NCK2: variants seen among roughly 807,000 people sequenced by gnomAD.
NCK2 encodes the protein NCK adaptor protein 2, also known as cytoplasmic protein NCK2.
Under a neutral mutation model 33.9 loss-of-function variants are expected in NCK2, and 16 were observed. The observed-to-expected ratio is 0.47, with a 90% CI of 0.32 to 0.72. The LOEUF is 0.72. Among genes scored for constraint, NCK2 ranks in the 30% least tolerant of loss-of-function variants. The probability of loss-of-function intolerance (pLI) is 0.03; values close to 1 mark genes in which losing one functional copy is unlikely to be tolerated. For synonymous variants in NCK2, 273 were observed against 239.9 expected, an observed-to-expected ratio of 1.14 and a Z score of -1.27; for missense variants, 418 against 537.3, an observed-to-expected ratio of 0.78 and a Z score of 2.19.
chr2:105,773,138 A>G (rs1476340924), intron 1 of NCK2, among the ~76,000 whole-genome samples: 1 of 151,416 alleles, frequency 6.6e-6, no homozygotes, highest in Non-Finnish European at 1.5e-5. Flanking sequence ...GCCTCAATCC[A>G]TCCACCTGCC....
intron 2 of NCK2, among the ~76,000 whole-genome samples, chr2:105,848,021 T>G (rs1676919129): frequency 6.6e-6 from 1 of 152,192 alleles, no homozygotes; most frequent in South Asian, 2.1e-4. Context: ...AAGTTTTCTG[T>G]TTTTCAATGA....
At chr2:105,844,903 T>A (rs1248009887) in intron 2 of NCK2, among the ~76,000 whole-genome samples, 1 of 151,880 alleles carries the variant, frequency 6.6e-6, no homozygotes, top group African/African-American at 2.4e-5. Context: ...ATGATAGGGA[T>A]GGTTTCTTTA....
intron 3 of NCK2, among the ~76,000 whole-genome samples, chr2:105,864,767 CAT>C (rs768166080): frequency 4.0e-5 from 6 of 151,746 alleles, no homozygotes; most frequent in Non-Finnish European, 5.9e-5. Flanking sequence ...CCCTTTCACA[CAT>C]GAGTTTGGCC....
At chr2:105,795,061 G>T (rs1573602300) in intron 1 of NCK2, among the ~76,000 whole-genome samples, 1 of 152,258 alleles carries the variant, frequency 6.6e-6, no homozygotes, top group South Asian at 2.1e-4. Context: ...CTGAGCAGAA[G>T]GTACAGAGTT....
chr2:105,866,194 G>A (rs1192879571), intron 3 of NCK2, among the ~76,000 whole-genome samples: 1 of 152,222 alleles, frequency 6.6e-6, no homozygotes, highest in Non-Finnish European at 1.5e-5. Flanking sequence ...GATTACAGGC[G>A]TGAGCCACCG....
chr2:105,864,550 G>A lies in NCK2; in HGVS notation c.226+9261G>A, dbSNP rs1005427161. ...CAGTAGGATGCAGAGAAGGCTGCAG[G>A]TGTGAATCTCAGGCTTGGGAGGTAC... On this transcript the variant is annotated intron_variant, in intron 3 of 4. Coordinates refer to ENST00000233154, the MANE Select transcript of NCK2 (RefSeq NM_003581.5). 2.4e-4 allele frequency among the ~76,000 whole-genome samples: 37 copies of A among 152,078 alleles called. 1 individual carries two copies. Among genetic ancestry groups the A allele is most frequent in the African/African-American group, 8.5e-4 (35 of 41,390 alleles).
chr2:105,852,809 ACATG>A (rs1677117527), intron 2 of NCK2, among the ~76,000 whole-genome samples: 1 of 152,162 alleles, frequency 6.6e-6, no homozygotes, highest in Admixed American at 6.5e-5. Flanking sequence ...AGTGAGTTCT[ACATG>A]GTATGCACTT....
At chr2:105,860,467 G>C (rs1397103382) in intron 3 of NCK2, among the ~76,000 whole-genome samples, 1 of 152,184 alleles carries the variant, frequency 6.6e-6, no homozygotes, top group Non-Finnish European at 1.5e-5. Flanking sequence ...TCAGGGACCT[G>C]CTAAGCCGTA....
intron 1 of NCK2, among the ~76,000 whole-genome samples, chr2:105,767,032 T>G (rs4851851): frequency 0.34 from 51,134 of 151,918 alleles, 9,724 homozygotes; most frequent in East Asian, 0.46. Flanking sequence ...ACACCTACTC[T>G]TATGGTCAGC....
intron 1 of NCK2, among the ~76,000 whole-genome samples, chr2:105,764,900 A>G (rs1381204874): frequency 6.6e-6 from 1 of 151,974 alleles, no homozygotes; most frequent in African/African-American, 2.4e-5. Flanking sequence ...GTGATATCCC[A>G]TGGAGTTGAA....
intron 4 of NCK2, among the ~76,000 whole-genome samples, chr2:105,883,548 A>G (rs1192558040): frequency 6.6e-6 from 1 of 152,176 alleles, no homozygotes; most frequent in Non-Finnish European, 1.5e-5. Flanking sequence ...AAAAGAGGAA[A>G]GACTTTAGAG....
At chr2:105,775,752 A>G (rs1690278302) in intron 1 of NCK2, among the ~76,000 whole-genome samples, 1 of 151,342 alleles carries the variant, frequency 6.6e-6, no homozygotes, top group African/African-American at 2.4e-5. Context: ...GGAGCACCAC[A>G]CCTCCCGGTG....
At chr2:105,869,858 G>A (rs1007781858) in intron 3 of NCK2, among the ~76,000 whole-genome samples, 2 of 152,108 alleles carry the variant, frequency 1.3e-5, no homozygotes, top group South Asian at 4.1e-4. Context: ...ATTGGCATCT[G>A]TGTTCCCATT....
chr2:105,813,015 C>T (rs564821343), intron 1 of NCK2, among the ~76,000 whole-genome samples: 4 of 152,258 alleles, frequency 2.6e-5, no homozygotes, highest in African/African-American at 4.8e-5. Flanking sequence ...TTGCAGAATG[C>T]GACTGTCAAG....
intron 1 of NCK2, among the ~76,000 whole-genome samples, chr2:105,782,743 G>A (rs772981667): frequency 1.3e-5 from 2 of 152,200 alleles, no homozygotes; most frequent in East Asian, 1.9e-4. Flanking sequence ...CTGTAGAGGC[G>A]AAGTGGATGT....
chr2:105,848,074 A>T (rs1237710744), intron 2 of NCK2, among the ~76,000 whole-genome samples: 1 of 152,210 alleles, frequency 6.6e-6, no homozygotes, highest in Non-Finnish European at 1.5e-5. Context: ...CGTGAACCTT[A>T]TGTTCAAGCC....
intron 1 of NCK2, among the ~76,000 whole-genome samples, chr2:105,767,082 G>A (rs1477374818): frequency 6.6e-6 from 1 of 152,174 alleles, no homozygotes; most frequent in African/African-American, 2.4e-5. Flanking sequence ...ACACACACCA[G>A]TGCTGGGTTC....
chr2:105,779,962 C>T (rs1486046849), intron 1 of NCK2, among the ~76,000 whole-genome samples: 1 of 152,100 alleles, frequency 6.6e-6, no homozygotes, highest in Admixed American at 6.6e-5. Flanking sequence ...CACAGCTCAG[C>T]GAATTCTCAA....
intron 1 of NCK2, among the ~76,000 whole-genome samples, chr2:105,815,006 GC>G (rs1675431192): frequency 6.6e-6 from 1 of 152,194 alleles, no homozygotes; most frequent in South Asian, 2.1e-4. Context: ...ATTGCCCTTT[GC>G]TGATGTTCAG....
Sources: gnomAD v4.1 joint callset for allele counts (sites outside exome capture counted in the v4.1 genomes callset) on GRCh38, gnomAD v4.1.1 for gene constraint, MANE v1.5 for transcripts, NCBI Gene and HGNC (gene_info 2026-07-23, HGNC 2026-07-21) for gene names.